SLC25A48: variants seen among roughly 807,000 people sequenced by gnomAD.
SLC25A48 encodes solute carrier family 25 member 48, also known as CTC-321K16.1.
SLC25A48 carries 29 observed loss-of-function variants against 32.2 expected under a neutral mutation model. That is an observed-to-expected ratio of 0.90 (90% CI 0.67 to 1.23). The LOEUF (loss-of-function observed/expected upper bound fraction) is 1.23, where lower values mean the gene tolerates loss of function less well. SLC25A48 is among the 50% of genes most tolerant of loss of function. The pLI, the probability that SLC25A48 is intolerant of heterozygous loss-of-function variation, is 0.00. For synonymous variants in SLC25A48, 164 were observed against 172.3 expected (o/e 0.95, Z 0.38); for missense variants, 399 against 422.7 (o/e 0.94, Z 0.49).
chr5:135,838,130 G>A (rs1758684004), intron 1 of SLC25A48, among the ~76,000 whole-genome samples: 1 of 152,182 alleles, frequency 6.6e-6, no homozygotes, highest in Admixed American at 6.5e-5. Context: ...CTGGAATAAA[G>A]GTGACTCTTG....
At chr5:135,772,481 C>G (rs11242271) in intron 3 of SLC25A48, among the ~76,000 whole-genome samples, 1 of 151,194 alleles carries the variant, frequency 6.6e-6, no homozygotes, top group African/African-American at 2.4e-5. Context: ...ATAATATTCA[C>G]GAAGAAAGAG....
chr5:135,747,155 T>C (rs1754840718), intron 3 of SLC25A48, among the ~76,000 whole-genome samples: 1 of 152,058 alleles, frequency 6.6e-6, no homozygotes, highest in South Asian at 2.1e-4. Flanking sequence ...TCTGGGGTGA[T>C]GCACTGAAAG....
chr5:135,727,077 G>A (rs1309903787), intron 3 of SLC25A48, among the ~76,000 whole-genome samples: 2 of 152,016 alleles, frequency 1.3e-5, no homozygotes, highest in Non-Finnish European at 2.9e-5. Flanking sequence ...CTTTTCATGT[G>A]TGTATTGGTC....
At chr5:135,791,200 G>T (rs545379710) in intron 3 of SLC25A48, among the ~76,000 whole-genome samples, 1 of 151,776 alleles carries the variant, frequency 6.6e-6, no homozygotes, top group Non-Finnish European at 1.5e-5. Context: ...ATCACAGTGG[G>T]TGTACAACCT....
chr5:135,708,853 C>A (rs1754584691), intron 3 of SLC25A48, among the ~76,000 whole-genome samples: 1 of 152,202 alleles, frequency 6.6e-6, no homozygotes, highest in African/African-American at 2.4e-5. Context: ...CAGGGCAGAG[C>A]AGGCACTGCT....
Position 135,879,599 on chromosome 5 carries a change from AGAGAGAGAGAGAGT to A in SLC25A48, c.814-367_814-354del, listed in dbSNP as rs1416021588. Among the ~76,000 whole-genome samples, 395 of 139,184 alleles carry A rather than the reference AGAGAGAGAGAGAGT, an allele frequency of 2.8e-3. 3 individuals carry two copies. Among genetic ancestry groups the A allele is most frequent in the African/African-American group, 0.011 (361 of 32,602 alleles). 91.3% of individuals were successfully genotyped at this position (139,184 alleles called of 152,430 possible). A position where few individuals can be genotyped will look rare whatever the true frequency, so the allele number is the denominator to read the frequency against. On this transcript the variant is annotated intron_variant, in intron 6 of 7. Coordinates refer to ENST00000681962, the MANE Select transcript of SLC25A48 (RefSeq NM_001349336.2). ...GATTCCCGAGGAGAGAGAGAGAGAG[AGAGAGAGAGAGAGT>A]GTGTGTGTGTGTGTGTGTGTGTGTG...
intron 3 of SLC25A48, among the ~76,000 whole-genome samples, chr5:135,638,283 G>A (rs1483741825): frequency 3.3e-5 from 5 of 152,190 alleles, no homozygotes; most frequent in Non-Finnish European, 5.9e-5. Flanking sequence ...TTTGTCACTG[G>A]AGAAATAACC....
In SLC25A48 at chr5:135,599,467, A is replaced by G. The variant is rs536714142; in HGVS notation, c.-849+19870A>G. Among the ~76,000 whole-genome samples, 23 of 152,222 alleles carry G rather than the reference A, an allele frequency of 1.5e-4. No individual in the cohort carries two copies. In the South Asian group the frequency reaches 4.6e-3, roughly 30 times the overall value. ...TTCCCCTTTCTCTTCTTCCTTGGCC[A>G]TGCATAAGTTGGAGGCTACTATGTC... On this transcript the variant is annotated intron_variant, in intron 1 of 10. Coordinates refer to the SLC25A48 transcript ENST00000646290.
At chr5:135,686,523 C>A (rs933109577) in intron 3 of SLC25A48, among the ~76,000 whole-genome samples, 1 of 152,232 alleles carries the variant, frequency 6.6e-6, no homozygotes, top group Non-Finnish European at 1.5e-5. Context: ...TATGGTGGAG[C>A]CTTCCATGCT....
At position 135,781,609 on chromosome 5, in the gene SLC25A48, T is replaced by C. The variant is rs1247541281; in HGVS notation, c.-520-30914T>C. On this transcript the variant is annotated intron_variant, in intron 3 of 10. Coordinates refer to the SLC25A48 transcript ENST00000646290. ...TAACTCCCTGATATATTATTCCTAA[T>C]ATCCCCGTGGGTAGAGGATGATATT... 4.3e-5 allele frequency among the ~76,000 whole-genome samples: 5 copies of C among 116,700 alleles called. 1 individual carries two copies. The highest frequency in any genetic ancestry group is 1.1e-4 in the Non-Finnish European group (5 of 47,286). 76.6% of individuals were successfully genotyped at this position (116,700 alleles called of 152,430 possible).
intron 1 of SLC25A48, among the ~76,000 whole-genome samples, chr5:135,615,525 G>A (rs1410285097): frequency 1.3e-5 from 2 of 152,120 alleles, no homozygotes; most frequent in Non-Finnish European, 2.9e-5. Context: ...ATATGGCCTG[G>A]CTACTTCTAA....
chr5:135,807,061 C>A (rs1026740265), intron 3 of SLC25A48, among the ~76,000 whole-genome samples: 10 of 150,124 alleles, frequency 6.7e-5, no homozygotes, highest in African/African-American at 1.5e-4. Context: ...TTATAAATAT[C>A]AAATATTTTA....
chr5:135,582,307 C>A (rs2126869893), intron 1 of SLC25A48, among the ~76,000 whole-genome samples: 1 of 152,198 alleles, frequency 6.6e-6, no homozygotes, highest in East Asian at 1.9e-4. Flanking sequence ...TGTGCCTGTC[C>A]CCAAGCAGCT....
chr5:135,852,510 C>T, intron 3 of SLC25A48, 53 bp from the exon 4 acceptor site: 1 of 1,549,340 alleles, frequency 6.5e-7, no homozygotes, highest in Admixed American at 1.8e-5. Context: ...CCTGCAGGCT[C>T]TGCGACGGCA....
At chr5:135,611,593 T>C (rs1752073684) in intron 1 of SLC25A48, among the ~76,000 whole-genome samples, 1 of 133,316 alleles carries the variant, frequency 7.5e-6, no homozygotes, top group African/African-American at 2.8e-5. Context: ...GCACCAATAA[T>C]CCCAGCTACT....
chr5:135,625,591 C>T (rs752376891), intron 1 of SLC25A48, among the ~76,000 whole-genome samples: 47 of 152,134 alleles, frequency 3.1e-4, no homozygotes, highest in African/African-American at 9.7e-4. Flanking sequence ...CAGTCTCACT[C>T]GGGAGTTAGC....
At chr5:135,792,680 G>A (rs747870766) in intron 3 of SLC25A48, among the ~76,000 whole-genome samples, 1 of 151,694 alleles carries the variant, frequency 6.6e-6, no homozygotes, top group African/African-American at 2.4e-5. Flanking sequence ...CACAGTAAGT[G>A]TTCACCATAT....
chr5:135,620,446 C>T (rs139924718), intron 1 of SLC25A48, among the ~76,000 whole-genome samples: 149 of 152,220 alleles, frequency 9.8e-4, no homozygotes, highest in African/African-American at 3.1e-3. Context: ...CAGCAGTGTC[C>T]GTGTTTAGTC....
At chr5:135,696,818 C>T (rs1009244362) in intron 3 of SLC25A48, among the ~76,000 whole-genome samples, 2 of 152,196 alleles carry the variant, frequency 1.3e-5, no homozygotes, top group African/African-American at 2.4e-5. Flanking sequence ...TTTCCACCTC[C>T]TGCCAATCAC....
Sources: gnomAD v4.1 joint callset for allele counts (sites outside exome capture counted in the v4.1 genomes callset) on GRCh38, gnomAD v4.1.1 for gene constraint, MANE v1.5 for transcripts, NCBI Gene and HGNC (gene_info 2026-07-23, HGNC 2026-07-21) for gene names.